Variants in MBD5 observed in about 807,000 individuals in gnomAD.
MBD5 encodes the protein methyl-CpG-binding domain protein 5.
A neutral mutation model predicts 117.3 loss-of-function variants in MBD5; 13 were observed. That is an observed-to-expected ratio of 0.11 (90% CI 0.07 to 0.18). MBD5 has a LOEUF of 0.18. MBD5 is among the 10% of genes least tolerant of loss of function. The probability of loss-of-function intolerance (pLI) is 1.00; values close to 1 mark genes in which losing one functional copy is unlikely to be tolerated. For missense variants in MBD5, 1,879 were observed against 2,093.8 expected (o/e 0.90, Z 2.00); for synonymous variants, 727 against 766.4 (o/e 0.95, Z 0.85).
chr2:148,470,633 T>C (rs1574462605), intron 8 of MBD5, 172 bp downstream of exon 8: 2 of 589,840 alleles, frequency 3.4e-6, no homozygotes, highest in South Asian at 2.7e-5. Flanking sequence ...GATTTGTCTA[T>C]TGGGAAGATT....
At chr2:148,386,089 C>A (rs1334101054) in intron 4 of MBD5, among the ~76,000 whole-genome samples, 1 of 150,952 alleles carries the variant, frequency 6.6e-6, no homozygotes, top group East Asian at 2.0e-4. Context: ...GTGCACATGT[C>A]CCCTAAAACT....
At chr2:148,446,600 A>G (rs1206974780) in intron 4 of MBD5, among the ~76,000 whole-genome samples, 1 of 9,964 alleles carries the variant, frequency 1.0e-4, no homozygotes, top group South Asian at 9.6e-3. Flanking sequence ...CAGATTATTT[A>G]TCTGTGTGTG....
chr2:148,134,961 G>C (rs1453255841), intron 1 of MBD5, among the ~76,000 whole-genome samples: 1 of 152,072 alleles, frequency 6.6e-6, no homozygotes, highest in Middle Eastern at 3.2e-3. Flanking sequence ...TCTCATCTTT[G>C]AATATCCACA....
intron 3 of MBD5, among the ~76,000 whole-genome samples, chr2:148,252,641 C>T (rs939503274): frequency 7.2e-5 from 11 of 152,108 alleles, no homozygotes; most frequent in African/African-American, 2.7e-4. Flanking sequence ...CCTCGACCTC[C>T]CAGGCTCAGG....
chr2:148,097,429 G>A (rs1278184795), intron 1 of MBD5, among the ~76,000 whole-genome samples: 2 of 152,212 alleles, frequency 1.3e-5, no homozygotes, highest in African/African-American at 4.8e-5. Context: ...GAAGTCCTGT[G>A]GGAGTGGAAA....
chr2:148,204,869 G>A (rs1437812739), intron 2 of MBD5, among the ~76,000 whole-genome samples: 1 of 152,048 alleles, frequency 6.6e-6, no homozygotes, highest in Non-Finnish European at 1.5e-5. Flanking sequence ...TAGAAGGTCT[G>A]TCAGCAAGCA....
chr2:148,030,587 C>G (rs1364657712), intron 1 of MBD5, among the ~76,000 whole-genome samples: 1 of 152,056 alleles, frequency 6.6e-6, no homozygotes, highest in Non-Finnish European at 1.5e-5. Context: ...AAGAAAAAAT[C>G]TGGAAGATAG....
At chr2:148,497,090 A>G (rs1004781567) in intron 11 of MBD5, among the ~76,000 whole-genome samples, 1 of 151,782 alleles carries the variant, frequency 6.6e-6, no homozygotes, top group East Asian at 1.9e-4. Flanking sequence ...TATTTAATAA[A>G]TGTTTGATAA....
chr2:148,425,147 A>G (rs1195685434), intron 4 of MBD5, among the ~76,000 whole-genome samples: 1 of 152,176 alleles, frequency 6.6e-6, no homozygotes, highest in Non-Finnish European at 1.5e-5. Context: ...CCAGACTAAT[A>G]AAGAAGGACA....
At chr2:148,066,781 A>G (rs1248600438) in intron 1 of MBD5, among the ~76,000 whole-genome samples, 1 of 152,126 alleles carries the variant, frequency 6.6e-6, no homozygotes, top group East Asian at 1.9e-4. Flanking sequence ...CCCAGCTACC[A>G]TGTTTTTTTC....
intron 1 of MBD5, among the ~76,000 whole-genome samples, chr2:148,040,668 T>G (rs1694330979): frequency 6.6e-6 from 1 of 152,190 alleles, no homozygotes; most frequent in African/African-American, 2.4e-5. Context: ...AATTTAATCT[T>G]TATCATATAT....
intron 1 of MBD5, among the ~76,000 whole-genome samples, chr2:148,052,206 G>GATTTT (rs1694725982): frequency 1.2e-5 from 1 of 83,742 alleles, no homozygotes; most frequent in Non-Finnish European, 2.2e-5. Context: ...CTGTTATTGA[G>GATTTT]TTTTTTTTTT....
intron 4 of MBD5, among the ~76,000 whole-genome samples, chr2:148,375,449 C>G (rs1468256748): frequency 6.6e-6 from 1 of 152,184 alleles, no homozygotes; most frequent in Non-Finnish European, 1.5e-5. Context: ...AATCTGAACA[C>G]CACTCTCATC....
intron 3 of MBD5, among the ~76,000 whole-genome samples, chr2:148,255,716 A>C (rs1412094884): frequency 6.6e-6 from 1 of 152,216 alleles, no homozygotes. Context: ...TTCGAGGTTT[A>C]GAGCACCAGG....
chr2:148,231,627 C>G (rs1346308711), intron 2 of MBD5, among the ~76,000 whole-genome samples: 1 of 151,982 alleles, frequency 6.6e-6, no homozygotes, highest in East Asian at 1.9e-4. Flanking sequence ...TGCCATCTTG[C>G]CCTGCTTCAA....
chr2:148,469,512 C>T lies in MBD5; in HGVS notation c.1569C>T (p.Asn523=). Residue 523 remains asparagine (N), a synonymous_variant, in exon 8 of 14, where the codon AAC becomes AAT. Coordinates refer to ENST00000642680, the MANE Select transcript of MBD5 (RefSeq NM_001378120.1). ...DGHHQYKDIP[N]PLIAGISNVL... ...ATCATCAGTACAAGGATATCCCTAA[C>T]CCATTAATTGCTGGAATAAGTAATG... 1 of 1,613,790 alleles carries T rather than the reference C, an allele frequency of 6.2e-7. No individual in the cohort carries two copies. Among genetic ancestry groups the T allele is most frequent in the Non-Finnish European group, 8.5e-7 (1 of 1,179,920 alleles).
At chr2:148,213,274 ATGT>A (rs1261674363) in intron 2 of MBD5, among the ~76,000 whole-genome samples, 2 of 152,144 alleles carry the variant, frequency 1.3e-5, no homozygotes, top group Non-Finnish European at 2.9e-5. Context: ...TCAAAAAAGG[ATGT>A]TATTATTTTT....
intron 3 of MBD5, among the ~76,000 whole-genome samples, chr2:148,311,454 G>C (rs1702028710): frequency 2.0e-5 from 3 of 152,072 alleles, no homozygotes; most frequent in Admixed American, 2.0e-4. Context: ...TGTTTTATCA[G>C]AGACTAGGAT....
intron 4 of MBD5, among the ~76,000 whole-genome samples, chr2:148,369,178 T>C (rs879561725): frequency 6.0e-5 from 9 of 150,104 alleles, no homozygotes; most frequent in Non-Finnish European, 1.0e-4. Context: ...GCCAAAGTCA[T>C]GAAAAAGAAA....
Sources: allele counts gnomAD v4.1 joint callset (sites outside exome capture counted in the v4.1 genomes callset), GRCh38; gene constraint gnomAD v4.1.1; transcripts MANE v1.5; gene names NCBI Gene and HGNC (gene_info 2026-07-23, HGNC 2026-07-21).